The following CFAP43 variants were observed in gnomAD, a reference collection of about 807,000 sequenced individuals.
CFAP43 encodes cilia- and flagella-associated protein 43.
A neutral mutation model predicts 218.9 loss-of-function variants in CFAP43; 155 were observed. The ratio of observed to expected loss-of-function variants is 0.71; its 90% CI spans 0.62 to 0.81. The LOEUF (loss-of-function observed/expected upper bound fraction) is 0.81, where lower values mean the gene tolerates loss of function less well. Ranked by LOEUF, CFAP43 falls within the 30% of genes least tolerant of loss-of-function variation. CFAP43 has a pLI of 0.00. For missense variants in CFAP43, 1,778 were observed against 1,954.3 expected (o/e 0.91, Z 1.70); for synonymous variants, 645 against 681.3 (o/e 0.95, Z 0.83).
At chr10:104,163,637 G>A (rs554463988) in intron 24 of CFAP43, among the ~76,000 whole-genome samples, 7 of 152,218 alleles carry the variant, frequency 4.6e-5, no homozygotes, top group African/African-American at 7.2e-5. Flanking sequence ...CCTCGTTCCC[G>A]CAATGTGACC....
chr10:104,164,580 A>G (rs1209137040), intron 23 of CFAP43, among the ~76,000 whole-genome samples: 2 of 152,030 alleles, frequency 1.3e-5, no homozygotes, highest in African/African-American at 2.4e-5. Context: ...TTGTATTTTT[A>G]ATAGAGACGG....
intron 9 of CFAP43, 55 bp from the exon 10 acceptor site, chr10:104,196,988 A>T: frequency 1.4e-6 from 2 of 1,417,658 alleles, no homozygotes; most frequent in Non-Finnish European, 2.0e-6. Context: ...TTCCTATGGA[A>T]GCATGTTCTA....
chr10:104,145,391 G>A, intron 31 of CFAP43, 85 bp downstream of exon 31: 1 of 776,128 alleles, frequency 1.3e-6, no homozygotes, highest in Non-Finnish European at 2.1e-6. Flanking sequence ...CCATTTAATT[G>A]GGAGAAAAAA....
intron 20 of CFAP43, among the ~76,000 whole-genome samples, chr10:104,169,228 C>G (rs182093125): frequency 1.3e-5 from 2 of 152,130 alleles, no homozygotes; most frequent in Non-Finnish European, 2.9e-5. Context: ...AACCACTGAG[C>G]GAAGTCTTCC....
At chr10:104,161,839 T>C in intron 26 of CFAP43, 122 bp downstream of exon 26, 2 of 823,238 alleles carry the variant, frequency 2.4e-6, no homozygotes, top group Admixed American at 4.5e-5. Flanking sequence ...ACTACGGAGG[T>C]TGTATAATAG....
At chr10:104,160,923 C>T (rs745634283) in intron 27 of CFAP43, 114 bp downstream of exon 27, 2 of 1,045,868 alleles carry the variant, frequency 1.9e-6, no homozygotes, top group African/African-American at 3.2e-5. Flanking sequence ...AGAATTTAAG[C>T]TGAAACACTG....
chr10:104,227,546 T>TTGG (rs1253319514), intron 2 of CFAP43, among the ~76,000 whole-genome samples: 2 of 152,212 alleles, frequency 1.3e-5, no homozygotes, highest in African/African-American at 4.8e-5. Flanking sequence ...TTTGATGTCT[T>TTGG]TGGTTATTTG....
At position 104,131,622 on chromosome 10, in the gene CFAP43, G is replaced by GCATA. The variant is rs1262851048; in HGVS notation, c.4678-142_4678-139dup. The GCATA allele has an allele frequency of 3.2e-6, 3 of 944,376 alleles. No individual in the cohort carries two copies. The Admixed American group carries it at 9.9e-5, about 31-fold the overall frequency. 58.5% of individuals were successfully genotyped at this position (944,376 alleles called of 1,614,324 possible). ...CTTACCGCCATATCTGTAGTGCCTGGCATAGTAGGCACTCGAGTTATTTGT... is the reference window on the plus strand; with the variant it reads ...CTTACCGCCATATCTGTAGTGCCTGGCATACATAGTAGGCACTCGAGTTATTTGT... On this transcript the variant is annotated intron_variant, in intron 36 of 37. Coordinates refer to ENST00000357060, the MANE Select transcript of CFAP43 (RefSeq NM_025145.7).
chr10:104,176,666 C>T (rs2089640744), intron 19 of CFAP43, among the ~76,000 whole-genome samples: 1 of 152,190 alleles, frequency 6.6e-6, no homozygotes, highest in Admixed American at 6.5e-5. Context: ...CGCTCTTCTC[C>T]TTTCCAACTG....
At chr10:104,174,244 T>TA (rs1398190724) in intron 19 of CFAP43, among the ~76,000 whole-genome samples, 1 of 152,218 alleles carries the variant, frequency 6.6e-6, no homozygotes, top group Admixed American at 6.5e-5. Context: ...GAAAAAGACA[T>TA]ACCTGAGACT....
At chr10:104,228,166 G>T (rs2135016423) in intron 2 of CFAP43, among the ~76,000 whole-genome samples, 1 of 152,038 alleles carries the variant, frequency 6.6e-6, no homozygotes, top group East Asian at 1.9e-4. Flanking sequence ...TTTTCAAGTG[G>T]ATTTGTTATT....
intron 27 of CFAP43, among the ~76,000 whole-genome samples, chr10:104,157,775 T>TGTGTGTGTGTGTGTGTGTGAGAGA (rs1484523345): frequency 1.1e-5 from 1 of 90,106 alleles, no homozygotes; most frequent in African/African-American, 5.0e-5. Context: ...TGTGTGTGTG[T>TGTGTGTGTGTGTGTGTGTGAGAGA]GAGAGAGAGA....
chr10:104,173,144 G>T (rs1375035098), intron 19 of CFAP43, among the ~76,000 whole-genome samples: 1 of 152,086 alleles, frequency 6.6e-6, no homozygotes, highest in East Asian at 1.9e-4. Flanking sequence ...TAAAAACAAG[G>T]CAGACAAATG....
chr10:104,180,772 C>A (rs1212239139), intron 17 of CFAP43, among the ~76,000 whole-genome samples: 2 of 152,036 alleles, frequency 1.3e-5, no homozygotes, highest in African/African-American at 4.8e-5. Context: ...TTTCTATGCT[C>A]CCCTTTGCAG....
intron 16 of CFAP43, 53 bp downstream of exon 16, chr10:104,184,963 T>G: frequency 6.4e-7 from 1 of 1,573,436 alleles, no homozygotes; most frequent in Non-Finnish European, 8.6e-7. Context: ...TAATAAAATC[T>G]CTATTTTAAC....
At position 104,188,304 on chromosome 10, in the gene CFAP43, C is replaced by T; in HGVS notation, c.1653G>A (p.Leu551=). Reference sequence around the variant, plus strand: ...GTAATGTAGGCAGTGTGAACATCTCCAACCTGCTTCTCCCTGCTTCTGGAA... The same window carrying T: ...GTAATGTAGGCAGTGTGAACATCTCTAACCTGCTTCTCCCTGCTTCTGGAA... ...SSLPEAGRSR[L]EMFTLPTLLP... The change falls in exon 13 of 38, where the codon TTG becomes TTA. Residue 551 remains leucine, a synonymous_variant. Coordinates refer to ENST00000357060, the MANE Select transcript of CFAP43 (RefSeq NM_025145.7). 6.2e-7 allele frequency: 1 copy of T among 1,614,130 alleles called. No homozygotes were observed. Among genetic ancestry groups the T allele is most frequent in the Non-Finnish European group, 8.5e-7 (1 of 1,180,014 alleles).
chr10:104,218,905 C>T (rs770055897), intron 3 of CFAP43: 9 of 481,372 alleles, frequency 1.9e-5, no homozygotes, highest in South Asian at 3.1e-5. Flanking sequence ...GGAGACTGGA[C>T]GCTGACCCCG....
chr10:104,231,471 AAAGGAGAGGAGATG>A (rs1272787227), intron 1 of CFAP43, among the ~76,000 whole-genome samples: 1 of 152,212 alleles, frequency 6.6e-6, no homozygotes, highest in African/African-American at 2.4e-5. Flanking sequence ...TGTATGCTAG[AAAGGAGAGGAGATG>A]AAGGAGATTC....
At position 104,177,612 on chromosome 10, in the gene CFAP43, T is replaced by TG. The variant is rs768353136; in HGVS notation, c.2460+1416dup. On this transcript the variant is annotated intron_variant, in intron 19 of 37. Transcript: ENST00000357060. ...CTACTGTCCATAAAGGCCAGCCTCTTGGGGCTCAAAGAAGAGTGGAAAAGG... is the reference window on the plus strand; with the variant it reads ...CTACTGTCCATAAAGGCCAGCCTCTTGGGGGCTCAAAGAAGAGTGGAAAAGG... Among the ~76,000 whole-genome samples, 187 of 152,264 alleles carry TG rather than the reference T, an allele frequency of 1.2e-3. 1 individual carries two copies. The highest frequency in any genetic ancestry group is 2.3e-3 in the Non-Finnish European group (158 of 68,016).
Sources: gnomAD v4.1 joint callset for allele counts (sites outside exome capture counted in the v4.1 genomes callset) on GRCh38, gnomAD v4.1.1 for gene constraint, MANE v1.5 for transcripts, NCBI Gene and HGNC (gene_info 2026-07-23, HGNC 2026-07-21) for gene names.